The following MAP3K2 variants were observed in gnomAD, a reference collection of about 807,000 sequenced individuals.
The protein encoded by MAP3K2 is mitogen-activated protein kinase kinase kinase 2.
Under a neutral mutation model 80.3 loss-of-function variants are expected in MAP3K2, and 24 were observed. The observed-to-expected ratio is 0.30, with a 90% confidence interval of 0.22 to 0.42. The LOEUF (loss-of-function observed/expected upper bound fraction) is 0.42, where lower values mean the gene tolerates loss of function less well. Ranked by LOEUF, MAP3K2 falls within the 10% of genes least tolerant of loss-of-function variation. The pLI is 1.00. For synonymous variants in MAP3K2, 244 were observed against 253.7 expected (o/e 0.96, Z 0.36); for missense variants, 608 against 750.1 (o/e 0.81, Z 2.21).
intron 10 of MAP3K2, 72 bp downstream of exon 10, chr2:127,324,102 C>T (rs995631468): frequency 3.6e-5 from 41 of 1,146,796 alleles, no homozygotes; most frequent in Non-Finnish European, 4.8e-5. Flanking sequence ...CAAAAATCCC[C>T]CCTCTCCCTC....
At position 127,303,742 on chromosome 2, in the gene MAP3K2, T is replaced by C. The variant is rs1685642564; in HGVS notation, c.*3837A>G. On this transcript the variant is annotated 3_prime_UTR_variant, in exon 17 of 17. Transcript: ENST00000682094. The stretch of plus-strand genomic sequence containing the variant: ...AGAAGATTCATTCTATTAAAAAAGA[T>C]AGATTTGTATATTTAATTGACACCA... 1 of 152,154 alleles carries C rather than the reference T, an allele frequency of 6.6e-6. No individual in the cohort carries two copies. The highest frequency in any genetic ancestry group is 1.9e-4 in the East Asian group (1 of 5,192). The allele number at this position is 152,154 out of a possible 1,614,324, so 9.4% of individuals were successfully genotyped here.
chr2:127,313,160 C>T (rs918984048), intron 15 of MAP3K2, among the ~76,000 whole-genome samples: 8 of 152,116 alleles, frequency 5.3e-5, no homozygotes, highest in Non-Finnish European at 1.0e-4. Flanking sequence ...CAGCTTACTT[C>T]CAGCCTTCTC....
At position 127,306,436 on chromosome 2, in the gene MAP3K2, C is replaced by G. The variant is rs961029858; in HGVS notation, c.*1143G>C. On this transcript the variant is annotated 3_prime_UTR_variant, in exon 17 of 17. Transcript: ENST00000682094. The surrounding 1 kb of genome is among the most constrained non-coding windows in gnomAD (Gnocchi z 4.7). ...AGAATTGCCAAATGCCTAGTGAAAT[C>G]ATCCTCGCTCCACTTTTGGCAACCA... 1.3e-5 allele frequency: 2 copies of G among 152,182 alleles called. No individual in the cohort carries two copies. The highest frequency in any genetic ancestry group is 2.4e-5 in the African/African-American group (1 of 41,448). 9.4% of individuals were successfully genotyped at this position (152,182 alleles called of 1,614,324 possible).
At chr2:127,328,133 G>C (rs1686179500) in intron 7 of MAP3K2, among the ~76,000 whole-genome samples, 1 of 152,128 alleles carries the variant, frequency 6.6e-6, no homozygotes, top group African/African-American at 2.4e-5. Context: ...AAATTAGCCA[G>C]GCATGGTGGC....
At chr2:127,338,227 TG>T (rs1686409676) in intron 3 of MAP3K2, among the ~76,000 whole-genome samples, 1 of 152,220 alleles carries the variant, frequency 6.6e-6, no homozygotes, top group Admixed American at 6.5e-5. Flanking sequence ...ATGTCAGCTT[TG>T]GAGAACAGTT....
At chr2:127,319,800 C>T (rs919108324) in intron 12 of MAP3K2, among the ~76,000 whole-genome samples, 1 of 150,742 alleles carries the variant, frequency 6.6e-6, no homozygotes, top group African/African-American at 2.4e-5. Context: ...GATCGCGCCA[C>T]TGCACTCCAA....
At chr2:127,361,946 T>G (rs1686900551) in intron 1 of MAP3K2, among the ~76,000 whole-genome samples, 1 of 152,206 alleles carries the variant, frequency 6.6e-6, no homozygotes, top group African/African-American at 2.4e-5. Flanking sequence ...ATATAACACC[T>G]AACACAAACA....
Position 127,329,997 on chromosome 2 carries a change from T to C in MAP3K2, c.390A>G (p.Leu130=). 6.2e-7 allele frequency: 1 copy of C among 1,603,596 alleles called. No individual in the cohort carries two copies. The highest frequency in any genetic ancestry group is 8.5e-7 in the Non-Finnish European group (1 of 1,171,180). ...VINGSTQATN[L]EPLPSLEDLD... ...AATCTTCTAGTGATGGCAATGGTTCTAAATTAGTAGCCTACAAAGGAGAAA... is the reference window on the plus strand; with the variant it reads ...AATCTTCTAGTGATGGCAATGGTTCCAAATTAGTAGCCTACAAAGGAGAAA... Residue 130 remains leucine, a synonymous_variant, in exon 7 of 17, where the codon TTA becomes TTG. Transcript: ENST00000682094.
intron 1 of MAP3K2, among the ~76,000 whole-genome samples, chr2:127,353,123 C>A (rs1174686125): frequency 3.3e-5 from 5 of 152,098 alleles, no homozygotes; most frequent in Non-Finnish European, 5.9e-5. Context: ...GCCGCCACCC[C>A]GTCTGGGAAG....
At chr2:127,380,076 T>C (rs754879756) in intron 1 of MAP3K2, among the ~76,000 whole-genome samples, 1 of 152,146 alleles carries the variant, frequency 6.6e-6, no homozygotes, top group Non-Finnish European at 1.5e-5. Context: ...AAACCAAAAC[T>C]TCTGTAAATC....
intron 7 of MAP3K2, among the ~76,000 whole-genome samples, chr2:127,327,888 A>G (rs1686175748): frequency 1.3e-5 from 2 of 152,236 alleles, no homozygotes; most frequent in African/African-American, 2.4e-5. Flanking sequence ...ATTTATTAGA[A>G]TAAGACTGAG....
intron 15 of MAP3K2, among the ~76,000 whole-genome samples, chr2:127,313,835 A>G (rs145424007): frequency 4.0e-4 from 61 of 152,256 alleles, no homozygotes; most frequent in African/African-American, 1.4e-3. Flanking sequence ...TATGTGGCAC[A>G]TGACTGTTTA....
chr2:127,368,125 C>T (rs1452106299), intron 1 of MAP3K2, among the ~76,000 whole-genome samples: 1 of 150,944 alleles, frequency 6.6e-6, no homozygotes, highest in African/African-American at 2.4e-5. Context: ...AGTTTGAGAC[C>T]AGCCTGGCCA....
rs770849995 is a variant in MAP3K2 at position 127,326,812 on chromosome 2, T to C, written c.472A>G (p.Thr158Ala). 4 of 1,564,934 alleles carry C rather than the reference T, an allele frequency of 2.6e-6. No individual in the cohort carries two copies. The highest frequency in any genetic ancestry group is 1.4e-5 in the African/African-American group (1 of 73,268). ...RKKRLSIIGP[T>A]SRDRSSPPPG... ...GGAGGAGAACTTCTATCTCTACTAG[T>C]AGGACCTCAAGGAAGAAAAATAATG... Residue 158 changes from threonine to alanine, a missense_variant, in exon 8 of 17, where the codon ACT becomes GCT. This residue lies in a region of MAP3K2 where 467 missense variants were observed against 521.9 expected (regional missense o/e 0.89). Coordinates refer to ENST00000682094, the MANE Select transcript of MAP3K2 (RefSeq NM_001371910.2).
intron 1 of MAP3K2, among the ~76,000 whole-genome samples, chr2:127,365,071 C>T (rs929518976): frequency 9.7e-6 from 1 of 103,140 alleles, no homozygotes; most frequent in Non-Finnish European, 1.8e-5. Flanking sequence ...GAGCCGAGAT[C>T]GTGCCATTGC....
chr2:127,344,022 G>GT (rs1686549243), intron 1 of MAP3K2, among the ~76,000 whole-genome samples: 1 of 151,696 alleles, frequency 6.6e-6, no homozygotes, highest in Non-Finnish European at 1.5e-5. Flanking sequence ...AAAAAAAAAA[G>GT]TGTTTGTATA....
In MAP3K2 at chr2:127,314,848, A is replaced by C. The variant is rs371763590; in HGVS notation, c.1362T>G (p.Ala454=). Residue 454 remains alanine (A), a synonymous_variant, in exon 15 of 17, where the codon GCT becomes GCG. Coordinates refer to ENST00000682094, the MANE Select transcript of MAP3K2 (RefSeq NM_001371910.2). Reference sequence around the variant, plus strand: ...ATTTCCTAGTCACATTCTCAGTAAGAGCGCCATATGCTTTTAATTGGTCCT... The same window carrying C: ...ATTTCCTAGTCACATTCTCAGTAAGCGCGCCATATGCTTTTAATTGGTCCT... The part of the protein sequence containing the change: ...SIKDQLKAYG[A]LTENVTRKYT... The C allele has an allele frequency of 3.7e-6, 6 of 1,611,104 alleles. No individual in the cohort carries two copies. In the African/African-American group the frequency reaches 5.3e-5, roughly 14 times the overall value.
At chr2:127,350,833 G>C (rs1686680645) in intron 1 of MAP3K2, among the ~76,000 whole-genome samples, 1 of 151,074 alleles carries the variant, frequency 6.6e-6, no homozygotes, top group African/African-American at 2.4e-5. Flanking sequence ...TGTTAATTAA[G>C]ATCATCAGTA....
intron 1 of MAP3K2, among the ~76,000 whole-genome samples, chr2:127,372,997 T>C (rs1435285644): frequency 6.6e-6 from 1 of 152,184 alleles, no homozygotes; most frequent in Admixed American, 6.5e-5. Flanking sequence ...CTATAATCGT[T>C]ACTGACTTAA....
Sources: allele counts gnomAD v4.1 joint callset (sites outside exome capture counted in the v4.1 genomes callset), GRCh38; gene constraint gnomAD v4.1.1; regional missense constraint gnomAD v4.1.1; non-coding constraint Gnocchi (gnomAD v3.1); transcripts MANE v1.5; gene names NCBI Gene and HGNC (gene_info 2026-07-23, HGNC 2026-07-21).